Variants in NETO2 observed in about 807,000 individuals in gnomAD.
NETO2 encodes the protein neuropilin and tolloid-like protein 2.
A neutral mutation model predicts 62.5 loss-of-function variants in NETO2; 28 were observed. That is an observed-to-expected ratio of 0.45 (90% confidence interval 0.33 to 0.61). The LOEUF (loss-of-function observed/expected upper bound fraction) is 0.61. Among genes scored for constraint, NETO2 ranks in the 20% least tolerant of loss-of-function variants. The pLI is 0.02. For synonymous variants in NETO2, 214 were observed against 219.1 expected, an observed-to-expected ratio of 0.98 and a Z score of 0.21; for missense variants, 548 against 643.2, an observed-to-expected ratio of 0.85 and a Z score of 1.60.
rs1963044057 is a variant in NETO2 at position 47,080,446 on chromosome 16, A to C, written c.*2775T>G. On this transcript the variant is annotated 3_prime_UTR_variant, in exon 9 of 9. Transcript: ENST00000562435. ...CTAAATTTCATGTCTTCTGTTATTAAATTTTATGGCTTTCATTTTAGTAAG... is the reference window on the plus strand; with the variant it reads ...CTAAATTTCATGTCTTCTGTTATTACATTTTATGGCTTTCATTTTAGTAAG... 1 of 152,166 alleles carries C rather than the reference A, an allele frequency of 6.6e-6. No individual in the cohort carries two copies. The highest frequency in any genetic ancestry group is 6.5e-5 in the Admixed American group (1 of 15,272). 9.4% of individuals were successfully genotyped at this position (152,166 alleles called of 1,614,324 possible). A position where few individuals can be genotyped will look rare whatever the true frequency, so the allele number is the denominator to read the frequency against.
intron 7 of NETO2, among the ~76,000 whole-genome samples, chr16:47,087,544 T>C (rs1963220970): frequency 6.6e-6 from 1 of 152,108 alleles, no homozygotes; most frequent in African/African-American, 2.4e-5. Flanking sequence ...CACAATAATG[T>C]GAATGTACTT....
At chr16:47,084,024 T>C (rs1226555921) in intron 8 of NETO2, among the ~76,000 whole-genome samples, 1 of 152,216 alleles carries the variant, frequency 6.6e-6, no homozygotes, top group Non-Finnish European at 1.5e-5. Context: ...ATAAAGTTCT[T>C]GGTCCGTTTC....
At chr16:47,143,344 G>A (rs1964504099) in intron 1 of NETO2, among the ~76,000 whole-genome samples, 2 of 152,092 alleles carry the variant, frequency 1.3e-5, no homozygotes, top group African/African-American at 4.8e-5. Context: ...CTTCCCACAC[G>A]CGCCCCGCGA....
At position 47,091,534 on chromosome 16, in the gene NETO2, A is replaced by T. The variant is rs1963313485; in HGVS notation, c.884-5195T>A. ...TTAATTTGACTTATATAGTTTATTTAACCCAACATATCAGTGCAGAAAGAG... is the reference window on the plus strand; with the variant it reads ...TTAATTTGACTTATATAGTTTATTTTACCCAACATATCAGTGCAGAAAGAG... On this transcript the variant is annotated intron_variant, in intron 7 of 8. Coordinates refer to ENST00000562435, the MANE Select transcript of NETO2 (RefSeq NM_018092.5). 5.3e-5 allele frequency among the ~76,000 whole-genome samples: 8 copies of T among 152,348 alleles called. No homozygotes were observed. The South Asian group carries it at 1.7e-3, about 32-fold the overall frequency.
At chr16:47,122,616 C>T in intron 6 of NETO2, 41 bp downstream of exon 6, 1 of 1,595,082 alleles carries the variant, frequency 6.3e-7, no homozygotes, top group South Asian at 1.1e-5. Flanking sequence ...CATGCCTTAT[C>T]ATGATGTTCT....
At chr16:47,105,964 C>T (rs1963664247) in intron 7 of NETO2, among the ~76,000 whole-genome samples, 1 of 152,148 alleles carries the variant, frequency 6.6e-6, no homozygotes, top group African/African-American at 2.4e-5. Context: ...AGCAATTCTA[C>T]ACAGCAGCAG....
At chr16:47,101,282 T>C (rs1204397317) in intron 7 of NETO2, among the ~76,000 whole-genome samples, 6 of 152,168 alleles carry the variant, frequency 3.9e-5, no homozygotes, top group Admixed American at 2.6e-4. Context: ...ATGGAACGTA[T>C]CTCCAAATAA....
rs1205352849 is a variant in NETO2 at position 47,109,662 on chromosome 16, T to C, written c.704A>G (p.Lys235Arg). ...ATCATAGACTGCAACGAAGTTTCTC[T>C]TGCATTCATTTGAGTGCTCCATTTG... The part of the protein sequence containing the change: ...DYQMEHSNEC[K>R]RNFVAVYDGS... Residue 235 changes from lysine (K) to arginine (R), a missense_variant, in exon 7 of 9, where the codon AAG becomes AGG. Transcript: ENST00000562435. 3 of 1,614,032 alleles carry C rather than the reference T, an allele frequency of 1.9e-6. No individual in the cohort carries two copies. The African/African-American group carries it at 4.0e-5, about 22-fold the overall frequency.
intron 3 of NETO2, among the ~76,000 whole-genome samples, chr16:47,128,821 A>T (rs1219411302): frequency 6.6e-6 from 1 of 152,210 alleles, no homozygotes; most frequent in African/African-American, 2.4e-5. Context: ...AGTGATTCAA[A>T]CTGAAGAGTC....
intron 7 of NETO2, among the ~76,000 whole-genome samples, chr16:47,104,911 G>A (rs1963637944): frequency 6.6e-6 from 1 of 151,972 alleles, no homozygotes; most frequent in African/African-American, 2.4e-5. Flanking sequence ...GTAGAGATGG[G>A]GTTTTGTCAT....
chr16:47,130,120 A>G (rs1230739850), intron 2 of NETO2, among the ~76,000 whole-genome samples: 1 of 152,244 alleles, frequency 6.6e-6, no homozygotes, highest in African/African-American at 2.4e-5. Context: ...CACCAGGAAC[A>G]GTTGAGAACG....
intron 7 of NETO2, among the ~76,000 whole-genome samples, chr16:47,103,411 A>G (rs1032955971): frequency 2.6e-5 from 4 of 152,170 alleles, no homozygotes; most frequent in African/African-American, 9.7e-5. Flanking sequence ...TGTTCTGCAC[A>G]TGTATCCCAG....
chr16:47,098,263 G>A (rs1356837411), intron 7 of NETO2, among the ~76,000 whole-genome samples: 2 of 152,122 alleles, frequency 1.3e-5, no homozygotes, highest in African/African-American at 4.8e-5. Flanking sequence ...CCAATGCAAG[G>A]AAGCTAAGAA....
chr16:47,126,602 T>G (rs1964162230), intron 4 of NETO2, among the ~76,000 whole-genome samples: 1 of 152,098 alleles, frequency 6.6e-6, no homozygotes, highest in Admixed American at 6.5e-5. Flanking sequence ...CTACTGCGAG[T>G]GAACCCTAAT....
intron 1 of NETO2, among the ~76,000 whole-genome samples, chr16:47,139,599 G>A (rs1275655979): frequency 6.6e-6 from 1 of 152,114 alleles, no homozygotes; most frequent in Non-Finnish European, 1.5e-5. Flanking sequence ...TATTTGACAT[G>A]GCAGTCACTT....
At chr16:47,136,426 T>C (rs1207194234) in intron 1 of NETO2, among the ~76,000 whole-genome samples, 1 of 152,146 alleles carries the variant, frequency 6.6e-6, no homozygotes. Context: ...TATTGACTGA[T>C]TGAGACAGTC....
At chr16:47,110,259 C>T (rs772181722) in intron 6 of NETO2, among the ~76,000 whole-genome samples, 6 of 152,178 alleles carry the variant, frequency 3.9e-5, no homozygotes, top group Non-Finnish European at 5.9e-5. Context: ...TACATGGTTG[C>T]TTTATTTCAC....
intron 1 of NETO2, among the ~76,000 whole-genome samples, chr16:47,134,531 T>C (rs1218801363): frequency 6.6e-6 from 1 of 152,204 alleles, no homozygotes; most frequent in Non-Finnish European, 1.5e-5. Flanking sequence ...TTTGTGTCAA[T>C]TTATCTCATT....
intron 7 of NETO2, among the ~76,000 whole-genome samples, chr16:47,108,787 T>C (rs1963726042): frequency 6.6e-6 from 1 of 152,198 alleles, no homozygotes; most frequent in African/African-American, 2.4e-5. Context: ...CTGTGTTAAT[T>C]TTCAGTTTTA....
Sources: allele counts gnomAD v4.1 joint callset (sites outside exome capture counted in the v4.1 genomes callset), GRCh38; gene constraint gnomAD v4.1.1; transcripts MANE v1.5; gene names NCBI Gene and HGNC (gene_info 2026-07-23, HGNC 2026-07-21).